MAGEA4: variants seen among roughly 807,000 people sequenced by gnomAD.
MAGEA4 encodes MAGE family member A4.
MAGEA4 carries 1 observed loss-of-function variant against 13.7 expected under a neutral mutation model. That is an observed-to-expected ratio of 0.07 (90% confidence interval 0.03 to 0.35). MAGEA4 has a LOEUF of 0.35. MAGEA4 is among the 10% of genes least tolerant of loss of function. The pLI is 0.99. For missense variants in MAGEA4, 312 were observed against 245.1 expected (o/e 1.27, Z -1.82); for synonymous variants, 132 against 101.1 (o/e 1.31, Z -1.83).
At chrX:151,917,934 C>T (rs1267246403) in intron 1 of MAGEA4, among the ~76,000 whole-genome samples, 1 of 92,555 alleles carries the variant, frequency 1.1e-5, no homozygotes, top group African/African-American at 4.0e-5. Context: ...GTACCCCACC[C>T]CTATTCCCAT....
In MAGEA4 at chrX:151,924,306, C is replaced by T. The variant is rs376198310; in HGVS notation, c.642C>T (p.Gly214=). ...TCCTGGGCACAATTGCAATGGAGGG[C>T]GACAGCGCCTCTGAGGAGGAAATCT... ...IIVLGTIAME[G]DSASEEEIWE... is the part of the protein sequence containing the mutation. Residue 214 remains glycine, a synonymous_variant, in exon 3 of 3, where the codon GGC becomes GGT. Transcript: ENST00000276344. The T allele has an allele frequency of 6.9e-5, 84 of 1,209,233 alleles. No individual in the cohort carries two copies. The highest frequency in any genetic ancestry group is 8.9e-5 in the Non-Finnish European group (80 of 894,901).
chrX:151,912,715 T>C, upstream of MAGEA4: 1 of 149,386 alleles, frequency 6.7e-6, no homozygotes, highest in Non-Finnish European at 1.2e-5. Flanking sequence ...GCCACCCTCA[T>C]ACCCCCATCC....
intron 1 of MAGEA4, among the ~76,000 whole-genome samples, chrX:151,921,896 A>C (rs911520268): frequency 9.0e-6 from 1 of 111,148 alleles, no homozygotes; most frequent in Admixed American, 9.5e-5. Flanking sequence ...TTTTAGCCTC[A>C]GGAATCCAAG....
chrX:151,912,573 C>T (rs1191485841), upstream of MAGEA4: 2 of 355,085 alleles, frequency 5.6e-6, no homozygotes, highest in Admixed American at 2.7e-5. Flanking sequence ...GCGTCAAAGT[C>T]AGGACCCTAA....
intron 1 of MAGEA4, chrX:151,919,153 G>A (rs2124094012): frequency 1.7e-6 from 1 of 598,191 alleles, no homozygotes; most frequent in Non-Finnish European, 2.0e-6. Flanking sequence ...TCTGAGTCTG[G>A]GGCGCCCTCC....
intron 1 of MAGEA4, chrX:151,918,790 CTG>C (rs1449310409): frequency 1.8e-5 from 1 of 54,796 alleles, no homozygotes; most frequent in East Asian, 5.7e-4. Context: ...CCCATCCACA[CTG>C]AATCACGTTC....
Position 151,923,747 on chromosome X carries a change from C to T in MAGEA4, c.83C>T (p.Ala28Val), listed in dbSNP as rs772345662. Residue 28 changes from alanine (A) to valine (V), a missense_variant, in exon 3 of 3, where the codon GCA becomes GTA. Coordinates refer to ENST00000276344, the MANE Select transcript of MAGEA4 (RefSeq NM_001011548.1). ...AQEEALGLVGAQAPTTEEQEA... is the reference protein window; with the variant it reads ...AQEEALGLVGVQAPTTEEQEA... ...GAAGAGGCCCTGGGCCTGGTGGGTG[C>T]ACAGGCTCCTACTACTGAGGAGCAG... 71 of 1,208,071 alleles carry T rather than the reference C, an allele frequency of 5.9e-5. No individual in the cohort carries two copies. The highest frequency in any genetic ancestry group is 2.4e-4 in the East Asian group (8 of 33,686).
At position 151,923,446 on chromosome X, in the gene MAGEA4, C is replaced by T. The variant is rs781037021; in HGVS notation, c.-137-7C>T. 5.1e-6 allele frequency: 6 copies of T among 1,180,901 alleles called. No individual in the cohort carries two copies. Among genetic ancestry groups the T allele is most frequent in the East Asian group, 3.1e-5 (1 of 31,976 alleles). Reference sequence around the variant, plus strand: ...ACCCTGAGGTGCTCTCTCACTTCCTCCTTCAGGTTCTGAGCAGACAGGCCA... The same window carrying T: ...ACCCTGAGGTGCTCTCTCACTTCCTTCTTCAGGTTCTGAGCAGACAGGCCA... On this transcript the variant is annotated splice_polypyrimidine_tract_variant and splice_region_variant and intron_variant, in intron 1 of 2. Transcript: ENST00000276344.
rs750160274 is a variant in MAGEA4 at position 151,921,573 on chromosome X, G to A, written c.-137-1880G>A. On this transcript the variant is annotated intron_variant, in intron 1 of 2. Coordinates refer to ENST00000276344, the MANE Select transcript of MAGEA4 (RefSeq NM_001011548.1). ...CCTGGCATCGGGGTCAGGACCTTGA[G>A]AGGGAACTGAGGGCGCTACACCCCC... Among the ~76,000 whole-genome samples the A allele has an allele frequency of 1.1e-4, 12 of 112,141 alleles. No homozygotes were observed. The South Asian group carries it at 4.1e-3, about 38-fold the overall frequency.
intron 1 of MAGEA4, among the ~76,000 whole-genome samples, chrX:151,919,997 C>T (rs1367786344): frequency 1.1e-5 from 1 of 90,615 alleles, no homozygotes; most frequent in African/African-American, 4.1e-5. Flanking sequence ...CATCCCCCTT[C>T]CCATTCCCAT....
In MAGEA4 at chrX:151,924,744, T is replaced by A; in HGVS notation, c.*126T>A. 2.8e-6 allele frequency: 2 copies of A among 703,331 alleles called. No homozygotes were observed. The highest frequency in any genetic ancestry group is 4.0e-6 in the Non-Finnish European group (2 of 494,564). 58.0% of individuals were successfully genotyped at this position (703,331 alleles called of 1,213,427 possible). On this transcript the variant is annotated 3_prime_UTR_variant, in exon 3 of 3. Coordinates refer to ENST00000276344, the MANE Select transcript of MAGEA4 (RefSeq NM_001011548.1). ...CATTCTTCACTCTGTTTGAAGAAAA[T>A]AGTCAGTGTTCTTAGTAGTGGGTTT...
At chrX:151,921,445 G>A (rs962557579) in intron 1 of MAGEA4, among the ~76,000 whole-genome samples, 3 of 112,222 alleles carry the variant, frequency 2.7e-5, no homozygotes, top group African/African-American at 6.5e-5. Flanking sequence ...CCACCCGGGG[G>A]AAGACTTCTC....
chrX:151,920,517 C>T (rs1201043329), intron 1 of MAGEA4, among the ~76,000 whole-genome samples: 1 of 108,955 alleles, frequency 9.2e-6, no homozygotes, highest in East Asian at 3.0e-4. Flanking sequence ...AACGTCAGGA[C>T]CCTAGGAGAG....
chrX:151,919,748 A>C (rs1392245086), intron 1 of MAGEA4: 20 of 750,555 alleles, frequency 2.7e-5, no homozygotes, highest in Non-Finnish European at 3.0e-5. Flanking sequence ...AGGACTCAGG[A>C]GGCCCCCACC....
At chrX:151,922,367 C>T (rs1335039357) in intron 1 of MAGEA4, among the ~76,000 whole-genome samples, 1 of 111,198 alleles carries the variant, frequency 9.0e-6, no homozygotes, top group Non-Finnish European at 1.9e-5. Context: ...TTGCTCATCT[C>T]AGGGGGTTGG....
chrX:151,922,342 G>C (rs1933485765), intron 1 of MAGEA4, among the ~76,000 whole-genome samples: 3 of 111,216 alleles, frequency 2.7e-5, no homozygotes, highest in African/African-American at 9.8e-5. Flanking sequence ...AGGTTTTGGA[G>C]TAAAGGGGCA....
At chrX:151,919,659 CTCTG>C (rs1353717720) in intron 1 of MAGEA4, 1 of 751,464 alleles carries the variant, frequency 1.3e-6, no homozygotes, top group African/African-American at 2.3e-5. Flanking sequence ...AAGCGAGCTG[CTCTG>C]TCTGACCAGC....
chrX:151,923,974 T>A lies in MAGEA4; in HGVS notation c.310T>A (p.Ser104Thr), dbSNP rs1440075486. Residue 104 changes from serine to threonine, a missense_variant, in exon 3 of 3, where the codon TCC (serine) becomes ACC (threonine). Physicochemically the swap from Ser to Thr is moderately conservative, Grantham distance 58. Coordinates refer to ENST00000276344, the MANE Select transcript of MAGEA4 (RefSeq NM_001011548.1). ...GCCAAGCACCTCGCCTGACGCAGAG[T>A]CCTTGTTCCGAGAAGCACTCAGTAA... ...EGPSTSPDAESLFREALSNKV... is the reference protein window; with the variant it reads ...EGPSTSPDAETLFREALSNKV... 5.0e-6 allele frequency: 6 copies of A among 1,210,047 alleles called. No individual in the cohort carries two copies. The highest frequency in any genetic ancestry group is 1.8e-5 in the South Asian group (1 of 56,741).
chrX:151,918,873 C>A lies in MAGEA4; in HGVS notation c.-137-4580C>A, dbSNP rs1385120371. ...ACCTCACCCTTCCCACCCCCATCCA[C>A]GCTGAATCTGATTTCTGGTTTCTCT... On this transcript the variant is annotated intron_variant, in intron 1 of 2. Transcript: ENST00000276344. The A allele has an allele frequency of 2.8e-5, 17 of 615,235 alleles. No individual in the cohort carries two copies. In the African/African-American group the frequency reaches 4.5e-4, roughly 16 times the overall value. 50.7% of individuals were successfully genotyped at this position (615,235 alleles called of 1,213,427 possible).
Sources: gnomAD v4.1 joint callset for allele counts (sites outside exome capture counted in the v4.1 genomes callset) on GRCh38, gnomAD v4.1.1 for gene constraint, MANE v1.5 for transcripts, NCBI Gene and HGNC (gene_info 2026-07-23, HGNC 2026-07-21) for gene names.